DDC: variants seen among roughly 807,000 people sequenced by gnomAD.
DDC encodes dopa decarboxylase, also known as aromatic-L-amino-acid decarboxylase.
In DDC, 43 loss-of-function variants were observed where a neutral mutation model predicts 60.0. The ratio of observed to expected loss-of-function variants is 0.72; its 90% CI spans 0.56 to 0.92. The LOEUF is 0.92. Among genes scored for constraint, DDC ranks in the 40% least tolerant of loss-of-function variants. The pLI, the probability that DDC is intolerant of heterozygous loss-of-function variation, is 0.00. For missense variants in DDC, 573 were observed against 620.2 expected, an observed-to-expected ratio of 0.92 and a Z score of 0.81; for synonymous variants, 232 against 234.6, an observed-to-expected ratio of 0.99 and a Z score of 0.10.
At chr7:50,464,802 C>A (rs2042358716) in intron 13 of DDC, among the ~76,000 whole-genome samples, 1 of 152,244 alleles carries the variant, frequency 6.6e-6, no homozygotes, top group Non-Finnish European at 1.5e-5. Context: ...TAGTAAAGAG[C>A]CACATGACAC....
In DDC at chr7:50,539,926, C is replaced by T. The variant is rs137853207; in HGVS notation, c.304G>A (p.Gly102Ser). 1.9e-6 allele frequency: 3 copies of T among 1,613,494 alleles called. No homozygotes were observed. The highest frequency in any genetic ancestry group is 2.7e-5 in the African/African-American group (2 of 74,890). ...DMLCGAIGCI[G>S]FSWAASPACT... The stretch of plus-strand genomic sequence containing the variant: ...ATCCGGACCCTCACCCAGGAGAAGC[C>T]GATGCAGCCAATGGCCCCGCACAGC... The change falls in exon 3 of 15, where the codon GGC (glycine) becomes AGC (serine). Residue 102 changes from glycine (G) to serine (S), a missense_variant. Transcript: ENST00000444124.
At chr7:50,469,994 A>AG in intron 12 of DDC, 79 bp downstream of exon 12, 2 of 975,448 alleles carry the variant, frequency 2.1e-6, no homozygotes, top group Non-Finnish European at 1.6e-6. Flanking sequence ...AAAAAAAAAG[A>AG]AAAAAAATTT....
In DDC at chr7:50,470,128, A is replaced by G. The variant is rs1017626453; in HGVS notation, c.1085T>C (p.Met362Thr). 13 of 1,613,814 alleles carry G rather than the reference A, an allele frequency of 8.1e-6. No homozygotes were observed. The highest frequency in any genetic ancestry group is 1.1e-5 in the Non-Finnish European group (13 of 1,179,746). ...TCCATACATCCTAAATACAAACCAC[A>G]TTTTCAAAGAGCGAAATCTTCTGCC... ...PLGRRFRSLK[M>T]WFVFRMYGVK... The change falls in exon 12 of 15, where the codon ATG (methionine) becomes ACG (threonine). Residue 362 changes from methionine to threonine, a missense_variant. Met to Thr is a moderately conservative substitution (Grantham distance 81). Coordinates refer to ENST00000444124, the MANE Select transcript of DDC (RefSeq NM_001082971.2).
intron 4 of DDC, among the ~76,000 whole-genome samples, chr7:50,532,535 A>T (rs1017017980): frequency 6.6e-6 from 1 of 152,194 alleles, no homozygotes; most frequent in Non-Finnish European, 1.5e-5. Context: ...TTTTGCTGCT[A>T]TGCATGTTCT....
intron 14 of DDC, among the ~76,000 whole-genome samples, chr7:50,462,226 CA>C (rs11410259): frequency 0.12 from 8,967 of 75,212 alleles, 196 homozygotes; most frequent in East Asian, 0.17. Flanking sequence ...GACAAAAAGA[CA>C]AAAAAAAAAA....
intron 6 of DDC, among the ~76,000 whole-genome samples, chr7:50,517,895 C>T (rs989316331): frequency 2.1e-4 from 30 of 145,510 alleles, no homozygotes; most frequent in Non-Finnish European, 3.4e-4. Context: ...ACCAGGAGAA[C>T]TACAAAACAT....
chr7:50,510,837 T>TG (rs1585207323), intron 6 of DDC, among the ~76,000 whole-genome samples: 1 of 151,050 alleles, frequency 6.6e-6, no homozygotes, highest in East Asian at 1.9e-4. Context: ...AAAAATTAGC[T>TG]GGGCGCGGTG....
At chr7:50,469,228 G>C (rs1200265862) in intron 12 of DDC, among the ~76,000 whole-genome samples, 4 of 143,926 alleles carry the variant, frequency 2.8e-5, no homozygotes, top group African/African-American at 1.0e-4. Flanking sequence ...ACATGCGTGA[G>C]CCACCACACC....
chr7:50,554,819 T>A (rs1186143870), intron 1 of DDC, among the ~76,000 whole-genome samples: 1 of 152,170 alleles, frequency 6.6e-6, no homozygotes, highest in Non-Finnish European at 1.5e-5. Context: ...CCTTAGCACA[T>A]GAGTTTTCTC....
chr7:50,465,377 G>T (rs1179378045), intron 13 of DDC, among the ~76,000 whole-genome samples: 2 of 152,090 alleles, frequency 1.3e-5, no homozygotes, highest in African/African-American at 4.8e-5. Context: ...CTCAAACGTA[G>T]CCTTTTTTTT....
chr7:50,483,161 T>G (rs2042806460), intron 9 of DDC, among the ~76,000 whole-genome samples: 1 of 152,208 alleles, frequency 6.6e-6, no homozygotes, highest in South Asian at 2.1e-4. Context: ...TTACCTTTTA[T>G]CAGATTAAGA....
At chr7:50,550,202 C>A (rs2044943108) in intron 1 of DDC, among the ~76,000 whole-genome samples, 1 of 152,200 alleles carries the variant, frequency 6.6e-6, no homozygotes, top group South Asian at 2.1e-4. Context: ...CCACCCTGAC[C>A]AGTCAGCAGC....
Sources: allele counts gnomAD v4.1 joint callset (sites outside exome capture counted in the v4.1 genomes callset), GRCh38; gene constraint gnomAD v4.1.1; transcripts MANE v1.5; gene names NCBI Gene and HGNC (gene_info 2026-07-23, HGNC 2026-07-21).